Variants in CPEB3 observed in about 807,000 individuals in gnomAD.
CPEB3 encodes cytoplasmic polyadenylation element-binding protein 3.
Under a neutral mutation model 67.2 loss-of-function variants are expected in CPEB3, and 20 were observed. The ratio of observed to expected loss-of-function variants is 0.30; its 90% CI spans 0.21 to 0.43. CPEB3 has a LOEUF of 0.43. CPEB3 is among the 20% of genes least tolerant of loss of function. The pLI is 1.00. For missense variants in CPEB3, 746 were observed against 968.6 expected, an observed-to-expected ratio of 0.77 and a Z score of 3.05; for synonymous variants, 376 against 393.1, an observed-to-expected ratio of 0.96 and a Z score of 0.51.
At chr10:92,163,206 G>A (rs369458956) in intron 4 of CPEB3, among the ~76,000 whole-genome samples, 1 of 152,120 alleles carries the variant, frequency 6.6e-6, no homozygotes, top group Non-Finnish European at 1.5e-5. Context: ...AGGCCAAGGC[G>A]GGTGGATCAC....
At chr10:92,161,066 A>AG (rs1367963082) in intron 4 of CPEB3, among the ~76,000 whole-genome samples, 2 of 152,050 alleles carry the variant, frequency 1.3e-5, no homozygotes, top group Non-Finnish European at 2.9e-5. Flanking sequence ...TTGTAGAGAC[A>AG]GGGTTTCACC....
At position 92,240,280 on chromosome 10, in the gene CPEB3, T is replaced by TGCTGCTGCC. The variant is rs1564900345; in HGVS notation, c.62_70dup (p.Arg21_Gln23dup). On this transcript the variant is annotated inframe_insertion, in exon 2 of 10. Transcript: ENST00000265997. Reference sequence around the variant, plus strand: ...TACGCTGGACTCAGGTTGGGGCTGCTGCTGCTGCCGCTGCTGCTGCTGGGG... The same window carrying TGCTGCTGCC: ...TACGCTGGACTCAGGTTGGGGCTGCTGCTGCTGCCGCTGCTGCCGCTGCTGCTGCTGGGG... 1 of 1,517,506 alleles carries TGCTGCTGCC rather than the reference T, an allele frequency of 6.6e-7. No individual in the cohort carries two copies. Among genetic ancestry groups the TGCTGCTGCC allele is most frequent in the East Asian group, 2.5e-5 (1 of 40,520 alleles). The allele number at this position is 1,517,506 out of a possible 1,614,324, so 94.0% of individuals were successfully genotyped here. A position where few individuals can be genotyped will look rare whatever the true frequency, so the allele number is the denominator to read the frequency against.
At chr10:92,254,683 TG>T (rs1852445350) in intron 1 of CPEB3, among the ~76,000 whole-genome samples, 1 of 151,922 alleles carries the variant, frequency 6.6e-6, no homozygotes, top group Non-Finnish European at 1.5e-5. Flanking sequence ...GACAGAGTCT[TG>T]CTCGCTCAGT....
chr10:92,242,703 C>A (rs1441626971), intron 1 of CPEB3, among the ~76,000 whole-genome samples: 1 of 152,058 alleles, frequency 6.6e-6, no homozygotes, highest in Non-Finnish European at 1.5e-5. Context: ...TAATGCTGTA[C>A]CTCAGCAAAA....
chr10:92,181,059 TG>T, intron 3 of CPEB3, 40 bp from the exon 4 acceptor site: 1 of 1,066,670 alleles, frequency 9.4e-7, no homozygotes, highest in South Asian at 1.3e-5. Flanking sequence ...GAATGTTTAA[TG>T]TAATCATTTC....
intron 2 of CPEB3, among the ~76,000 whole-genome samples, chr10:92,217,318 C>G (rs1335560290): frequency 6.7e-6 from 1 of 148,948 alleles, no homozygotes; most frequent in Non-Finnish European, 1.5e-5. Flanking sequence ...GAGCCATGCA[C>G]TAATGATATA....
intron 7 of CPEB3, among the ~76,000 whole-genome samples, chr10:92,097,941 C>T (rs1179340231): frequency 4.0e-5 from 6 of 151,848 alleles, no homozygotes; most frequent in African/African-American, 1.5e-4. Flanking sequence ...GTGGGTGGAT[C>T]ACCTGAGGTC....
intron 1 of CPEB3, among the ~76,000 whole-genome samples, chr10:92,251,341 A>G (rs1212611649): frequency 6.6e-6 from 1 of 151,936 alleles, no homozygotes; most frequent in African/African-American, 2.4e-5. Context: ...GTCCTTTCTT[A>G]GTTTTCTAAC....
intron 2 of CPEB3, among the ~76,000 whole-genome samples, chr10:92,200,924 T>G (rs758987015): frequency 6.0e-4 from 92 of 152,206 alleles, no homozygotes; most frequent in Admixed American, 9.8e-4. Flanking sequence ...TTACCTGACA[T>G]GACCCTACAT....
chr10:92,053,970 G>A (rs1842018324), intron 9 of CPEB3, among the ~76,000 whole-genome samples: 1 of 152,310 alleles, frequency 6.6e-6, no homozygotes, highest in East Asian at 1.9e-4. Flanking sequence ...ACAGGCGTAA[G>A]CCACCATGCC....
At chr10:92,139,289 TAAA>T (rs3048542) in intron 6 of CPEB3, among the ~76,000 whole-genome samples, 3 of 71,162 alleles carry the variant, frequency 4.2e-5, no homozygotes, top group African/African-American at 1.1e-4. Context: ...CACACACACA[TAAA>T]AAAAAAAAAA....
At chr10:92,137,245 C>T in intron 6 of CPEB3, 1 of 566,794 alleles carries the variant, frequency 1.8e-6, no homozygotes, top group Non-Finnish European at 3.2e-6. Flanking sequence ...TGCCTCCTGT[C>T]ATGGCTGTAT....
intron 9 of CPEB3, among the ~76,000 whole-genome samples, chr10:92,079,329 C>A (rs1300821198): frequency 2.0e-5 from 3 of 152,106 alleles, no homozygotes; most frequent in African/African-American, 7.2e-5. Context: ...GGAGATCAGG[C>A]AGAGAATGAG....
chr10:92,193,999 T>C (rs1224960006), intron 2 of CPEB3, among the ~76,000 whole-genome samples: 1 of 151,728 alleles, frequency 6.6e-6, no homozygotes, highest in Non-Finnish European at 1.5e-5. Context: ...GGTTTCACCG[T>C]GTTAGACAGG....
intron 3 of CPEB3, among the ~76,000 whole-genome samples, chr10:92,185,126 C>T (rs773467861): frequency 9.9e-5 from 15 of 152,160 alleles, no homozygotes; most frequent in Non-Finnish European, 2.2e-4. Context: ...GAATCAAGTG[C>T]GTGACATCTG....
intron 4 of CPEB3, among the ~76,000 whole-genome samples, chr10:92,176,126 G>A (rs184240182): frequency 2.0e-5 from 3 of 152,252 alleles, no homozygotes; most frequent in Non-Finnish European, 4.4e-5. Context: ...ATGACTTACA[G>A]GTGTGCTGTC....
At position 92,289,718 on chromosome 10, in the gene CPEB3, C is replaced by CAAAAAAAA. The variant is rs749285662; in HGVS notation, c.-12+1200_-12+1207dup. Among the ~76,000 whole-genome samples, 64 of 30,948 alleles carry CAAAAAAAA rather than the reference C, an allele frequency of 2.1e-3. 7 individuals are homozygous for CAAAAAAAA. Among genetic ancestry groups the CAAAAAAAA allele is most frequent in the African/African-American group, 5.2e-3 (13 of 2,498 alleles). The allele number at this position is 30,948 out of a possible 152,430, so 20.3% of individuals were successfully genotyped here. ...CAACATGGCGAGACCGCGTCTCTAC[C>CAAAAAAAA]AAAAAAAAAAAAAAATATATATATA... On this transcript the variant is annotated intron_variant, in intron 1 of 9. Coordinates refer to ENST00000265997, the MANE Select transcript of CPEB3 (RefSeq NM_014912.5).
intron 4 of CPEB3, among the ~76,000 whole-genome samples, chr10:92,155,073 G>A (rs532412947): frequency 5.9e-5 from 9 of 152,244 alleles, no homozygotes; most frequent in African/African-American, 1.9e-4. Context: ...GCCGGGTATG[G>A]CGGTGCATGC....
intron 1 of CPEB3, among the ~76,000 whole-genome samples, chr10:92,264,715 C>CAA (rs773984330): frequency 1.4e-4 from 8 of 58,776 alleles, no homozygotes; most frequent in Non-Finnish European, 2.2e-4. Context: ...GACTCCGTCT[C>CAA]AAAAAAAAAA....
Sources: gnomAD v4.1 joint callset for allele counts (sites outside exome capture counted in the v4.1 genomes callset) on GRCh38, gnomAD v4.1.1 for gene constraint, MANE v1.5 for transcripts, NCBI Gene and HGNC (gene_info 2026-07-23, HGNC 2026-07-21) for gene names.